The following PTPRG variants were observed in gnomAD, a reference collection of about 807,000 sequenced individuals.
The protein encoded by PTPRG is receptor-type tyrosine-protein phosphatase gamma.
A neutral mutation model predicts 165.3 loss-of-function variants in PTPRG; 102 were observed. The observed-to-expected ratio is 0.62, with a 90% CI of 0.53 to 0.73. The LOEUF (loss-of-function observed/expected upper bound fraction) is 0.73. Among genes scored for constraint, PTPRG ranks in the 30% least tolerant of loss-of-function variants. PTPRG has a pLI of 0.00. For missense variants in PTPRG, 1,866 were observed against 1,861.4 expected (o/e 1.00, Z -0.05); for synonymous variants, 675 against 669.5 (o/e 1.01, Z -0.13).
chr3:62,126,873 G>A (rs775114569), intron 5 of PTPRG, among the ~76,000 whole-genome samples: 53 of 152,136 alleles, frequency 3.5e-4, no homozygotes, highest in Non-Finnish European at 6.2e-4. Flanking sequence ...TGCCACATGT[G>A]CCAACATCTC....
At chr3:61,952,842 C>G (rs1415115571) in intron 2 of PTPRG, among the ~76,000 whole-genome samples, 1 of 152,192 alleles carries the variant, frequency 6.6e-6, no homozygotes, top group Non-Finnish European at 1.5e-5. Context: ...ACTGCCACCA[C>G]TAAATAGTAA....
At chr3:61,811,581 T>G (rs894464784) in intron 2 of PTPRG, among the ~76,000 whole-genome samples, 2 of 152,224 alleles carry the variant, frequency 1.3e-5, no homozygotes, top group African/African-American at 4.8e-5. Flanking sequence ...TGACCAAAGC[T>G]GAATTTCATT....
rs1387068463 is a variant in PTPRG at position 61,957,072 on chromosome 3, A to G, written c.191-32553A>G. 2.0e-5 allele frequency among the ~76,000 whole-genome samples: 3 copies of G among 152,212 alleles called. No homozygotes were observed. In the East Asian group the frequency reaches 5.8e-4, roughly 29 times the overall value. On this transcript the variant is annotated intron_variant, in intron 2 of 29. Coordinates refer to ENST00000474889, the MANE Select transcript of PTPRG (RefSeq NM_002841.4). ...CTACAGATAAAAACTTGTACTGTGAATGCATGCTGCTTGTCTATAAATATC... is the reference window on the plus strand; with the variant it reads ...CTACAGATAAAAACTTGTACTGTGAGTGCATGCTGCTTGTCTATAAATATC...
chr3:61,669,030 G>A (rs1311718159), intron 1 of PTPRG, among the ~76,000 whole-genome samples: 1 of 152,190 alleles, frequency 6.6e-6, no homozygotes, highest in Non-Finnish European at 1.5e-5. Flanking sequence ...TCTAATTACA[G>A]TTTTGTCCCC....
At chr3:62,064,336 T>TTTGTCATTTTTA (rs1700928517) in intron 4 of PTPRG, among the ~76,000 whole-genome samples, 1 of 152,158 alleles carries the variant, frequency 6.6e-6, no homozygotes, top group African/African-American at 2.4e-5. Flanking sequence ...CTATACTGAG[T>TTTGTCATTTTTA]TGTATGACAT....
At chr3:61,625,961 G>C (rs189708675) in intron 1 of PTPRG, among the ~76,000 whole-genome samples, 2 of 151,180 alleles carry the variant, frequency 1.3e-5, no homozygotes, top group Admixed American at 1.3e-4. Context: ...GCAAAGCAGA[G>C]TCATTTATGC....
intron 2 of PTPRG, among the ~76,000 whole-genome samples, chr3:61,848,193 A>G (rs1395574922): frequency 6.6e-6 from 1 of 152,186 alleles, no homozygotes; most frequent in Non-Finnish European, 1.5e-5. Flanking sequence ...GGCAGTGAAA[A>G]GCCTCTTAGG....
chr3:61,725,147 TG>T (rs1429228317), intron 1 of PTPRG, among the ~76,000 whole-genome samples: 1 of 152,174 alleles, frequency 6.6e-6, no homozygotes, highest in East Asian at 1.9e-4. Context: ...TTAATTTTTG[TG>T]TAAGTTGTGA....
chr3:62,024,430 C>T (rs1314403554), intron 4 of PTPRG, among the ~76,000 whole-genome samples: 2 of 152,122 alleles, frequency 1.3e-5, no homozygotes, highest in African/African-American at 2.4e-5. Context: ...AGAGCATACA[C>T]TTTTTAATGC....
chr3:61,679,670 A>G (rs1703360073), intron 1 of PTPRG, among the ~76,000 whole-genome samples: 1 of 152,086 alleles, frequency 6.6e-6, no homozygotes, highest in South Asian at 2.1e-4. Context: ...AATCCCAGCT[A>G]CTCAGGAAGC....
chr3:62,072,767 A>G (rs1230905938), intron 4 of PTPRG, among the ~76,000 whole-genome samples: 3 of 152,204 alleles, frequency 2.0e-5, no homozygotes, highest in African/African-American at 7.2e-5. Context: ...TGCTTGGAAT[A>G]GGTTCATCGA....
At chr3:61,714,759 T>C (rs1230582677) in intron 1 of PTPRG, among the ~76,000 whole-genome samples, 1 of 152,204 alleles carries the variant, frequency 6.6e-6, no homozygotes, top group Non-Finnish European at 1.5e-5. Flanking sequence ...TGAGCCTTGA[T>C]ACTGTGAAAT....
At chr3:61,621,977 C>T (rs1477398123) in intron 1 of PTPRG, among the ~76,000 whole-genome samples, 4 of 152,150 alleles carry the variant, frequency 2.6e-5, no homozygotes, top group African/African-American at 9.7e-5. Context: ...CAGTCCCTGT[C>T]CTTCTTGGAA....
chr3:61,675,451 T>C (rs1320720800), intron 1 of PTPRG, among the ~76,000 whole-genome samples: 1 of 69,064 alleles, frequency 1.4e-5, no homozygotes, highest in Non-Finnish European at 3.0e-5. Flanking sequence ...TGGTTCATGA[T>C]AGAAAAAGTT....
intron 4 of PTPRG, among the ~76,000 whole-genome samples, chr3:62,031,689 T>C (rs1699774330): frequency 6.6e-6 from 1 of 152,208 alleles, no homozygotes; most frequent in African/African-American, 2.4e-5. Flanking sequence ...TGGTGGTTAC[T>C]AATCTAGATC....
chr3:62,182,535 C>G (rs1190101534), intron 8 of PTPRG, among the ~76,000 whole-genome samples: 1 of 152,238 alleles, frequency 6.6e-6, no homozygotes, highest in African/African-American at 2.4e-5. Context: ...TGTGTGTTCT[C>G]CCACTGGGCT....
At chr3:61,788,670 C>G (rs1407541489) in intron 2 of PTPRG, among the ~76,000 whole-genome samples, 11 of 152,188 alleles carry the variant, frequency 7.2e-5, no homozygotes, top group Non-Finnish European at 1.5e-4. Flanking sequence ...TGTTCTAGAC[C>G]AGAGGTTGCA....
chr3:61,604,685 G>T (rs1466711122), intron 1 of PTPRG, among the ~76,000 whole-genome samples: 1 of 152,118 alleles, frequency 6.6e-6, no homozygotes, highest in Non-Finnish European at 1.5e-5. Context: ...GTTGAACGCA[G>T]GTCTGTGACC....
At chr3:62,265,993 T>C (rs1165828372) in intron 17 of PTPRG, among the ~76,000 whole-genome samples, 3 of 151,412 alleles carry the variant, frequency 2.0e-5, no homozygotes, top group Non-Finnish European at 2.9e-5. Context: ...TTGCTAAAAG[T>C]ATTGTGGCAA....
Sources: allele counts gnomAD v4.1 joint callset (sites outside exome capture counted in the v4.1 genomes callset), GRCh38; gene constraint gnomAD v4.1.1; transcripts MANE v1.5; gene names NCBI Gene and HGNC (gene_info 2026-07-23, HGNC 2026-07-21).